The following ADRA1A variants were observed in gnomAD, a reference collection of about 807,000 sequenced individuals.
ADRA1A encodes the protein adrenoceptor alpha 1A, also known as alpha-1A adrenergic receptor.
In ADRA1A, 31 loss-of-function variants were observed where a neutral mutation model predicts 29.6. The ratio of observed to expected loss-of-function variants is 1.05; its 90% CI spans 0.79 to 1.41. The LOEUF (loss-of-function observed/expected upper bound fraction) is 1.41, where lower values mean the gene tolerates loss of function less well. ADRA1A is among the 40% of genes most tolerant of loss of function. ADRA1A has a pLI of 0.00. For missense variants in ADRA1A, 619 were observed against 601.1 expected, an observed-to-expected ratio of 1.03 and a Z score of -0.31; for synonymous variants, 311 against 254.3, an observed-to-expected ratio of 1.22 and a Z score of -2.12.
chr8:26,861,956 T>G (rs1813503839), intron 2 of ADRA1A, among the ~76,000 whole-genome samples: 1 of 151,942 alleles, frequency 6.6e-6, no homozygotes, highest in Non-Finnish European at 1.5e-5. Context: ...AAACAGCCAA[T>G]TTTCCCCCCA....
At chr8:26,786,454 C>A (rs894237231) in intron 2 of ADRA1A, among the ~76,000 whole-genome samples, 1 of 151,778 alleles carries the variant, frequency 6.6e-6, no homozygotes, top group Non-Finnish European at 1.5e-5. Context: ...TAATAAGACT[C>A]ATTATTGCAA....
chr8:26,788,211 T>A (rs967774724), intron 2 of ADRA1A, among the ~76,000 whole-genome samples: 1 of 152,180 alleles, frequency 6.6e-6, no homozygotes, highest in Non-Finnish European at 1.5e-5. Context: ...TATTTGGGAT[T>A]TTTTTCAAGG....
intron 2 of ADRA1A, among the ~76,000 whole-genome samples, chr8:26,808,080 T>A (rs1809130070): frequency 6.6e-6 from 1 of 152,256 alleles, no homozygotes. Context: ...CCTAAGGTGT[T>A]ATACCCTTGA....
intron 2 of ADRA1A, among the ~76,000 whole-genome samples, chr8:26,828,587 G>C (rs1810755130): frequency 6.6e-6 from 1 of 152,200 alleles, no homozygotes; most frequent in Admixed American, 6.5e-5. Context: ...CAGAGGCACA[G>C]GTCTGTGATG....
chr8:26,865,753 G>A lies in ADRA1A; in HGVS notation c.-686-98C>T, dbSNP rs1411550864. The stretch of plus-strand genomic sequence containing the variant: ...GGTTGGGGGACACCAGTTGGGAGCC[G>A]GGTTGGTTCTGCGGTCCAGAAGCTG... On this transcript the variant is annotated intron_variant, in intron 1 of 2. Transcript: ENST00000380573. This position sits in a 1 kb window ranked among gnomAD's most constrained non-coding sequence, Gnocchi z 7.6. 10 of 979,742 alleles carry A rather than the reference G, an allele frequency of 1.0e-5. No homozygotes were observed. Among genetic ancestry groups the A allele is most frequent in the South Asian group, 9.4e-5 (2 of 21,172 alleles). 60.7% of individuals were successfully genotyped at this position (979,742 alleles called of 1,614,324 possible). A position where few individuals can be genotyped will look rare whatever the true frequency, so the allele number is the denominator to read the frequency against.
In ADRA1A at chr8:26,858,902, T is replaced by G. The variant is rs914604372; in HGVS notation, c.883+5185A>C. The G allele has an allele frequency of 2.4e-5, 9 of 371,856 alleles. No individual in the cohort carries two copies. In the Admixed American group the frequency reaches 4.5e-4, roughly 19 times the overall value. 23.0% of individuals were successfully genotyped at this position (371,856 alleles called of 1,614,324 possible). A position where few individuals can be genotyped will look rare whatever the true frequency, so the allele number is the denominator to read the frequency against. On this transcript the variant is annotated intron_variant, in intron 2 of 2. Coordinates refer to ENST00000380573, the MANE Select transcript of ADRA1A (RefSeq NM_000680.4). Reference sequence around the variant, plus strand: ...TAGACTTGGAAGCAGGCAAGTCAGATTCCTCCCAACAGTCATGCTATTCAA... The same window carrying G: ...TAGACTTGGAAGCAGGCAAGTCAGAGTCCTCCCAACAGTCATGCTATTCAA...
At chr8:26,753,299 T>C (rs748047120), downstream of ADRA1A, among the ~76,000 whole-genome samples, 3 of 152,204 alleles carry the variant, frequency 2.0e-5, no homozygotes, top group Non-Finnish European at 2.9e-5. Flanking sequence ...ACCATGTGCC[T>C]GACTTCTAAT....
intron 2 of ADRA1A, among the ~76,000 whole-genome samples, chr8:26,856,980 A>C (rs1054093513): frequency 2.0e-5 from 3 of 152,196 alleles, no homozygotes; most frequent in Non-Finnish European, 4.4e-5. Flanking sequence ...GAGGACTACA[A>C]TGATCTGCCC....
chr8:26,802,751 T>C (rs531064270), intron 2 of ADRA1A, among the ~76,000 whole-genome samples: 12 of 152,252 alleles, frequency 7.9e-5, no homozygotes, highest in Middle Eastern at 3.4e-3. Context: ...GAAATCAATA[T>C]ATTGAGGAGA....
At chr8:26,749,531 G>A (rs1024241286) in intron 2 of ADRA1A, among the ~76,000 whole-genome samples, 1 of 152,202 alleles carries the variant, frequency 6.6e-6, no homozygotes, top group Non-Finnish European at 1.5e-5. Flanking sequence ...CATTGAATGA[G>A]TAAACTCACA....
intron 2 of ADRA1A, among the ~76,000 whole-genome samples, chr8:26,822,283 C>G (rs1477159461): frequency 6.6e-6 from 1 of 152,170 alleles, no homozygotes; most frequent in Admixed American, 6.5e-5. Flanking sequence ...CTCTCCAAGA[C>G]TCAGCTTCTT....
chr8:26,748,749 CTA>C lies in ADRA1A; in HGVS notation c.1270-3_1270-2del. ...GCCTGGTGACAGAGCGAGACTTCGT[CTA>C]AAAAAAAAAAAAAAAAAAAGTTGAA... On this transcript the variant is annotated splice_acceptor_variant and splice_polypyrimidine_tract_variant and intron_variant, in intron 2 of 2. Transcript: ENST00000380586. LOFTEE classifies it high-confidence loss of function. The C allele has an allele frequency of 3.3e-6, 1 of 306,620 alleles. No individual in the cohort carries two copies. The highest frequency in any genetic ancestry group is 6.0e-6 in the Non-Finnish European group (1 of 166,234). 19.0% of individuals were successfully genotyped at this position (306,620 alleles called of 1,614,324 possible).
At chr8:26,764,711 A>C (rs75104549), downstream of ADRA1A, among the ~76,000 whole-genome samples, 1 of 152,232 alleles carries the variant, frequency 6.6e-6, no homozygotes. Context: ...AGGCACAATT[A>C]CTTTGACAAA....
At chr8:26,797,176 ACTTGCAAAAAT>A (rs1197291067) in intron 2 of ADRA1A, among the ~76,000 whole-genome samples, 66 of 152,350 alleles carry the variant, frequency 4.3e-4, no homozygotes, top group African/African-American at 1.6e-3. Flanking sequence ...CATCAAAGAC[ACTTGCAAAAAT>A]GTAGAACAAT....
intron 2 of ADRA1A, among the ~76,000 whole-genome samples, chr8:26,849,643 A>C (rs147917786): frequency 6.6e-6 from 1 of 152,360 alleles, no homozygotes; most frequent in East Asian, 1.9e-4. Flanking sequence ...TTTCAAACAA[A>C]GCCCATTTCA....
chr8:26,766,126 G>T, downstream of ADRA1A: 1 of 1,612,384 alleles, frequency 6.2e-7, no homozygotes, highest in South Asian at 1.1e-5. Context: ...AATTCTTGGT[G>T]AAATATCTAC....
chr8:26,817,693 G>A (rs1048632464), intron 2 of ADRA1A, among the ~76,000 whole-genome samples: 1 of 152,194 alleles, frequency 6.6e-6, no homozygotes, highest in Non-Finnish European at 1.5e-5. Context: ...TTGGAGGATT[G>A]ATTGAGCCTG....
At chr8:26,748,751 A>T (rs930755267) in intron 2 of ADRA1A, 9 of 92,618 alleles carry the variant, frequency 9.7e-5, no homozygotes, top group Non-Finnish European at 2.0e-4. Context: ...GACTTCGTCT[A>T]AAAAAAAAAA....
At chr8:26,753,669 A>C (rs1805022370), downstream of ADRA1A, among the ~76,000 whole-genome samples, 1 of 152,092 alleles carries the variant, frequency 6.6e-6, no homozygotes, top group South Asian at 2.1e-4. Context: ...CTTAATACCT[A>C]TTCATCCAAA....
Sources: gnomAD v4.1 joint callset for allele counts (sites outside exome capture counted in the v4.1 genomes callset) on GRCh38, gnomAD v4.1.1 for gene constraint, Gnocchi (gnomAD v3.1) non-coding constraint, MANE v1.5 for transcripts, NCBI Gene and HGNC (gene_info 2026-07-23, HGNC 2026-07-21) for gene names.